Variants in CDYL2 observed in about 807,000 individuals in gnomAD.
The protein encoded by CDYL2 is chromodomain Y-like protein 2.
Under a neutral mutation model 49.4 loss-of-function variants are expected in CDYL2, and 23 were observed. The observed-to-expected ratio is 0.47, with a 90% CI of 0.34 to 0.66. The LOEUF (loss-of-function observed/expected upper bound fraction) is 0.66, where lower values mean the gene tolerates loss of function less well. Ranked by LOEUF, CDYL2 falls within the 30% of genes least tolerant of loss-of-function variation. The pLI is 0.01. For missense variants in CDYL2, 678 were observed against 656.4 expected (o/e 1.03, Z -0.36); for synonymous variants, 360 against 268.8 (o/e 1.34, Z -3.32).
At chr16:80,778,298 T>A (rs1400126731) in intron 1 of CDYL2, among the ~76,000 whole-genome samples, 1 of 151,984 alleles carries the variant, frequency 6.6e-6, no homozygotes, top group Non-Finnish European at 1.5e-5. Flanking sequence ...CTGAAAATTC[T>A]AGCTAATAAA....
intron 3 of CDYL2, among the ~76,000 whole-genome samples, chr16:80,622,283 G>A (rs1483297329): frequency 1.3e-5 from 2 of 152,114 alleles, no homozygotes; most frequent in Non-Finnish European, 2.9e-5. Flanking sequence ...TTCTTTGAAC[G>A]TCTTCCCTGG....
At chr16:80,767,245 G>A (rs17755333) in intron 1 of CDYL2, among the ~76,000 whole-genome samples, 15,082 of 152,084 alleles carry the variant, frequency 0.099, 854 homozygotes, top group South Asian at 0.19. Flanking sequence ...AAACCACATC[G>A]AGGAATACCC....
At chr16:80,688,087 C>A (rs1910270535) in intron 1 of CDYL2, among the ~76,000 whole-genome samples, 1 of 152,168 alleles carries the variant, frequency 6.6e-6, no homozygotes, top group African/African-American at 2.4e-5. Context: ...GGTGCAGGGT[C>A]TAGATGGCTA....
rs748618383 is a variant in CDYL2 at position 80,612,879 on chromosome 16, T to C, written c.1008-43A>G. 3 of 1,528,726 alleles carry C rather than the reference T, an allele frequency of 2.0e-6. No homozygotes were observed. Among genetic ancestry groups the C allele is most frequent in the Non-Finnish European group, 2.7e-6 (3 of 1,129,970 alleles). 94.7% of individuals were successfully genotyped at this position (1,528,726 alleles called of 1,614,324 possible). A position where few individuals can be genotyped will look rare whatever the true frequency, so the allele number is the denominator to read the frequency against. On this transcript the variant is annotated intron_variant, in intron 4 of 6. Transcript: ENST00000570137. The surrounding 1 kb of genome is among the most constrained non-coding windows in gnomAD (Gnocchi z 5.0). Reference sequence around the variant, plus strand: ...TCCTCTTGAACAGGTGACTATAGCATGCTAAGCCCCACTGGAACCCTTGAC... The same window carrying C: ...TCCTCTTGAACAGGTGACTATAGCACGCTAAGCCCCACTGGAACCCTTGAC...
At chr16:80,763,331 C>A (rs1906601239) in intron 1 of CDYL2, among the ~76,000 whole-genome samples, 1 of 152,160 alleles carries the variant, frequency 6.6e-6, no homozygotes, top group Non-Finnish European at 1.5e-5. Context: ...TTCACCAGGG[C>A]TGGGTGAGGT....
At chr16:80,665,402 T>C (rs1909218545) in intron 2 of CDYL2, among the ~76,000 whole-genome samples, 1 of 151,366 alleles carries the variant, frequency 6.6e-6, no homozygotes, top group Non-Finnish European at 1.5e-5. Flanking sequence ...CTCAATGCCA[T>C]GCCTGGCACA....
At position 80,784,799 on chromosome 16, in the gene CDYL2, G is replaced by C. The variant is rs78991328; in HGVS notation, c.24+19351C>G. ...ACTGATTACAATGATCAGTGCTGGAGAGAAGCTGGGCTGCCCCAAGAATAT... is the reference window on the plus strand; with the variant it reads ...ACTGATTACAATGATCAGTGCTGGACAGAAGCTGGGCTGCCCCAAGAATAT... On this transcript the variant is annotated intron_variant, in intron 1 of 6. Transcript: ENST00000570137. 8.4e-3 allele frequency among the ~76,000 whole-genome samples: 1,281 copies of C among 152,254 alleles called. 21 individuals are homozygous for C. The highest frequency in any genetic ancestry group is 0.029 in the African/African-American group (1,199 of 41,560).
Position 80,804,242 on chromosome 16 carries a change from C to A in CDYL2, c.-69G>T. ...CTCGCGCCCTCCGTGCGTGTGCGCG[C>A]GGGGTCCGGTGTGCGCGTGTGTGTG... On this transcript the variant is annotated 5_prime_UTR_variant, in exon 1 of 7. Coordinates refer to ENST00000570137, the MANE Select transcript of CDYL2 (RefSeq NM_152342.4). 7.7e-7 allele frequency: 1 copy of A among 1,301,584 alleles called. No homozygotes were observed. Among genetic ancestry groups the A allele is most frequent in the South Asian group, 1.4e-5 (1 of 69,074 alleles). The allele number at this position is 1,301,584 out of a possible 1,614,324, so 80.6% of individuals were successfully genotyped here. A position where few individuals can be genotyped will look rare whatever the true frequency, so the allele number is the denominator to read the frequency against.
In CDYL2 at chr16:80,603,923, T is replaced by C. The variant is rs1486885960; in HGVS notation, c.*465A>G. 1 of 161,946 alleles carries C rather than the reference T, an allele frequency of 6.2e-6. No individual in the cohort carries two copies. Among genetic ancestry groups the C allele is most frequent in the African/African-American group, 2.4e-5 (1 of 41,724 alleles). The allele number at this position is 161,946 out of a possible 1,614,324, so 10.0% of individuals were successfully genotyped here. ...TGAGGCCAGGTGTGCACAATCATTT[T>C]GCTCATTGGTCTGGAAATTCCCTAA... On this transcript the variant is annotated 3_prime_UTR_variant, in exon 7 of 7. Coordinates refer to ENST00000570137, the MANE Select transcript of CDYL2 (RefSeq NM_152342.4).
chr16:80,670,217 T>A (rs570254505), intron 2 of CDYL2, among the ~76,000 whole-genome samples: 17 of 152,230 alleles, frequency 1.1e-4, no homozygotes, highest in African/African-American at 3.4e-4. Flanking sequence ...CCCACCCAAA[T>A]CTCATCTTGA....
At chr16:80,712,101 GTA>G (rs1047946732) in intron 1 of CDYL2, among the ~76,000 whole-genome samples, 5 of 145,794 alleles carry the variant, frequency 3.4e-5, no homozygotes, top group Admixed American at 2.1e-4. Context: ...ATATATATGT[GTA>G]TATATGTGTA....
rs1163030337 is a variant in CDYL2 at position 80,599,314 on chromosome 16, A to G, written c.*5074T>C. 1 of 152,246 alleles carries G rather than the reference A, an allele frequency of 6.6e-6. No homozygotes were observed. Among genetic ancestry groups the G allele is most frequent in the Non-Finnish European group, 1.5e-5 (1 of 68,038 alleles). 9.4% of individuals were successfully genotyped at this position (152,246 alleles called of 1,614,324 possible). ...TGAACCAAATAACTTGATTTTAGCC[A>G]TATGATAGCCCTGGACTACTTTATG... On this transcript the variant is annotated 3_prime_UTR_variant, in exon 7 of 7. Coordinates refer to ENST00000570137, the MANE Select transcript of CDYL2 (RefSeq NM_152342.4).
chr16:80,655,348 A>G (rs1908759978), intron 2 of CDYL2, among the ~76,000 whole-genome samples: 1 of 152,172 alleles, frequency 6.6e-6, no homozygotes. Flanking sequence ...CTAGGTATCT[A>G]CCAGGTGATG....
chr16:80,628,903 T>TG (rs1907425508), intron 3 of CDYL2, among the ~76,000 whole-genome samples: 1 of 152,014 alleles, frequency 6.6e-6, no homozygotes. Context: ...CTAACAACTG[T>TG]GATAAGACTT....
intron 1 of CDYL2, among the ~76,000 whole-genome samples, chr16:80,803,605 C>G (rs1907996161): frequency 6.9e-6 from 1 of 145,826 alleles, no homozygotes; most frequent in Non-Finnish European, 1.5e-5. Flanking sequence ...CAGCCTCCCC[C>G]TTCGCAGCCC....
intron 1 of CDYL2, among the ~76,000 whole-genome samples, chr16:80,691,514 T>C (rs559301399): frequency 6.6e-6 from 1 of 152,298 alleles, no homozygotes; most frequent in East Asian, 1.9e-4. Flanking sequence ...CTCTGTGGCA[T>C]CCAAGTGGTG....
intron 2 of CDYL2, among the ~76,000 whole-genome samples, chr16:80,666,487 G>A (rs1391468765): frequency 6.6e-6 from 1 of 152,172 alleles, no homozygotes; most frequent in East Asian, 1.9e-4. Flanking sequence ...CTTCATGGGG[G>A]AGGGAGCCTG....
chr16:80,766,450 C>G (rs920036268), intron 1 of CDYL2, among the ~76,000 whole-genome samples: 3 of 152,000 alleles, frequency 2.0e-5, no homozygotes, highest in Admixed American at 1.3e-4. Flanking sequence ...CAGTGTTGAC[C>G]AATATTCAAT....
intron 2 of CDYL2, among the ~76,000 whole-genome samples, chr16:80,676,726 T>G (rs1021671494): frequency 1.3e-5 from 2 of 152,196 alleles, no homozygotes; most frequent in African/African-American, 4.8e-5. Flanking sequence ...GCATTTCTCC[T>G]CCTCTCTTTG....
Sources: allele counts gnomAD v4.1 joint callset (sites outside exome capture counted in the v4.1 genomes callset), GRCh38; gene constraint gnomAD v4.1.1; non-coding constraint Gnocchi (gnomAD v3.1); transcripts MANE v1.5; gene names NCBI Gene and HGNC (gene_info 2026-07-23, HGNC 2026-07-21).